Variants in GIGYF1 observed in about 807,000 individuals in gnomAD.
GIGYF1 encodes the protein GRB10 interacting GYF protein 1.
In GIGYF1, 84 loss-of-function variants were observed where a neutral mutation model predicts 147.1. That is an observed-to-expected ratio of 0.57 (90% confidence interval 0.48 to 0.68). The LOEUF is 0.68. Ranked by LOEUF, GIGYF1 falls within the 30% of genes least tolerant of loss-of-function variation. GIGYF1 has a pLI of 0.00. For synonymous variants in GIGYF1, 752 were observed against 589.5 expected (o/e 1.28, Z -3.99); for missense variants, 1,485 against 1,393.7 (o/e 1.07, Z -1.04).
chr7:100,682,471 C>A lies in GIGYF1; in HGVS notation c.2612G>T (p.Ser871Ile). Residue 871 changes from serine to isoleucine, a missense_variant, in exon 24 of 27, where the codon AGC becomes ATC. Transcript: ENST00000678049. Reference protein sequence around the residue: ...RSSPSLSDSYSHLSGRPIRKK... With the variant: ...RSSPSLSDSYIHLSGRPIRKK... ...GCGAATGGGCCGACCCGATAGGTGG[C>A]TGTATGAGTCACTGAAGGGGGAGGG... 6.2e-7 allele frequency: 1 copy of A among 1,612,220 alleles called. No individual in the cohort carries two copies. Among genetic ancestry groups the A allele is most frequent in the Non-Finnish European group, 8.5e-7 (1 of 1,179,924 alleles).
In GIGYF1 at chr7:100,683,049, C is replaced by T. The variant is rs1158944852; in HGVS notation, c.2375G>A (p.Arg792Gln). The T allele has an allele frequency of 1.1e-5, 18 of 1,567,516 alleles. No individual in the cohort carries two copies. Among genetic ancestry groups the T allele is most frequent in the Non-Finnish European group, 1.5e-5 (17 of 1,162,792 alleles). The change falls in exon 22 of 27, where the codon CGG becomes CAG. Residue 792 changes from arginine (R) to glutamine (Q), a missense_variant. Physicochemically the swap from Arg to Gln is conservative, Grantham distance 43. Transcript: ENST00000678049. The stretch of plus-strand genomic sequence containing the variant: ...GGGGGCCTGGGCCCGAGCTGGCTCC[C>T]GAGGTGGGGGCTGTTTGTGCAGCTG... ...ERQLHKQPPP[R>Q]EPARAQAPNH...
chr7:100,691,506 A>T (rs373188781), intron 1 of GIGYF1, among the ~76,000 whole-genome samples: 10 of 147,686 alleles, frequency 6.8e-5, no homozygotes, highest in Admixed American at 6.0e-4. Context: ...AAAAGAATAG[A>T]TTTTTTTTTT....
chr7:100,684,488 C>T lies in GIGYF1; in HGVS notation c.1591G>A (p.Val531Met). 3.7e-6 allele frequency: 6 copies of T among 1,613,472 alleles called. No homozygotes were observed. The highest frequency in any genetic ancestry group is 5.1e-6 in the Non-Finnish European group (6 of 1,179,994). The change falls in exon 16 of 27, where the codon GTG (valine) becomes ATG (methionine). Residue 531 changes from valine (V) to methionine (M), a missense_variant. By Grantham distance (21) the Val-to-Met change is conservative. Coordinates refer to ENST00000678049, the MANE Select transcript of GIGYF1 (RefSeq NM_001375765.1). Reference protein sequence around the residue: ...LGEVIKMWGRVPFAPGPSPPP... With the variant: ...LGEVIKMWGRMPFAPGPSPPP... ...GGTGAGGGCCCTGGGGCAAAGGGCA[C>T]GCGGCCCCACATCTTGATCACCTCG...
In GIGYF1 at chr7:100,688,294, C is replaced by G. The variant is rs1805570817; in HGVS notation, c.-56G>C. ...GGTGGGGAGGAGGGGACCTGGCGTTCACTGTCCAAACACCTGTGGGGGAAC... is the reference window on the plus strand; with the variant it reads ...GGTGGGGAGGAGGGGACCTGGCGTTGACTGTCCAAACACCTGTGGGGGAAC... On this transcript the variant is annotated 5_prime_UTR_variant, in exon 4 of 27. Transcript: ENST00000678049. 9.7e-6 allele frequency: 12 copies of G among 1,242,148 alleles called. 1 individual carries two copies. In the South Asian group the frequency reaches 1.1e-4, roughly 11 times the overall value. 76.9% of individuals were successfully genotyped at this position (1,242,148 alleles called of 1,614,324 possible). A position where few individuals can be genotyped will look rare whatever the true frequency, so the allele number is the denominator to read the frequency against.
chr7:100,686,269 C>T lies in GIGYF1; in HGVS notation c.859G>A (p.Asp287Asn). 1 of 1,614,106 alleles carries T rather than the reference C, an allele frequency of 6.2e-7. No homozygotes were observed. Residue 287 changes from aspartate (D) to asparagine (N), a missense_variant, in exon 11 of 27, where the codon GAC (aspartate) becomes AAC (asparagine). Physicochemically the swap from Asp to Asn is conservative, Grantham distance 23. Transcript: ENST00000678049. The stretch of plus-strand genomic sequence containing the variant: ...CACCACTCTGGGAGCCCATCCTTGT[C>T]CTCCTCAAAGCCTTCAGGCGCTCGG... ...RCRAPEGFEE[D>N]KDGLPEWCLD...
intron 22 of GIGYF1, 105 bp from the exon 23 acceptor site, chr7:100,682,882 C>T (rs1804922302): frequency 6.1e-6 from 8 of 1,309,418 alleles, no homozygotes; most frequent in Non-Finnish European, 8.2e-6. Flanking sequence ...GTGAGGGCCA[C>T]AAGAGCTGTT....
At chr7:100,682,923 G>A (rs1584491045) in intron 22 of GIGYF1, 89 bp downstream of exon 22, 1 of 1,289,208 alleles carries the variant, frequency 7.8e-7, no homozygotes, top group Non-Finnish European at 1.0e-6. Flanking sequence ...GACTGGGGCT[G>A]GGGCTGCACA....
rs1805233305 is a variant in GIGYF1, at chr7:100,685,488, G to A, written c.1055-7C>T. The A allele has an allele frequency of 1.9e-6, 3 of 1,598,008 alleles. No individual in the cohort carries two copies. The East Asian group carries it at 6.7e-5, about 36-fold the overall frequency. ...GGGGTCAGCTCTTTCCCACCTAGAA[G>A]AGGGAGATGGCCAGAGTTCAGAACC... On this transcript the variant is annotated splice_region_variant and splice_polypyrimidine_tract_variant and intron_variant, in intron 12 of 26. Transcript: ENST00000678049.
Position 100,687,132 on chromosome 7 carries a change from CCT to C in GIGYF1, c.483-88_483-87del, listed in dbSNP as rs904074527. 13 of 1,574,474 alleles carry C rather than the reference CCT, an allele frequency of 8.3e-6. No homozygotes were observed. The East Asian group carries it at 8.9e-5, about 11-fold the overall frequency. On this transcript the variant is annotated intron_variant, in intron 8 of 26. Coordinates refer to ENST00000678049, the MANE Select transcript of GIGYF1 (RefSeq NM_001375765.1). ...CCGCCCCATGCCTTGTCCACTGTGC[CCT>C]GAGGCAGTGGAGGGAGGAAGGGGAC...
chr7:100,684,953 G>T (rs566126722), intron 14 of GIGYF1, 59 bp from the exon 15 acceptor site: 9 of 1,587,070 alleles, frequency 5.7e-6, no homozygotes, highest in Admixed American at 5.4e-5. Flanking sequence ...ATCAGGATGG[G>T]GATGGGGATG....
chr7:100,686,293 G>T lies in GIGYF1; in HGVS notation c.835C>A (p.Arg279=). 6.2e-7 allele frequency: 1 copy of T among 1,613,954 alleles called. No homozygotes were observed. The highest frequency in any genetic ancestry group is 1.3e-5 in the African/African-American group (1 of 75,008). Residue 279 remains arginine, a synonymous_variant, in exon 11 of 27, where the codon CGA becomes AGA. Transcript: ENST00000678049. ...TCCTCCTCAAAGCCTTCAGGCGCTC[G>T]GCACCGCCGCAGGTGAGAGCTGCCT... ...GGGSSHLRRC[R]APEGFEEDKD...
chr7:100,684,853 C>CA lies in GIGYF1; in HGVS notation c.1331dup (p.Leu444PhefsTer73). ...TGGCAGCCGTGAACTGCTCCTCCTC[C>CA]AAGGAGCTGTCCTGCAGGGAGGCCA... On this transcript the variant is annotated frameshift_variant, in exon 15 of 27. Transcript: ENST00000678049. LOFTEE classifies it high-confidence loss of function. 6.2e-7 allele frequency: 1 copy of CA among 1,605,102 alleles called. No homozygotes were observed.
rs923825098 is a variant in GIGYF1, at chr7:100,682,659, G to A, written c.2531C>T (p.Thr844Ile). The A allele has an allele frequency of 8.1e-6, 13 of 1,604,840 alleles. No individual in the cohort carries two copies. Among genetic ancestry groups the A allele is most frequent in the South Asian group, 1.1e-5 (1 of 90,332 alleles). The change falls in exon 23 of 27, where the codon ACC (threonine) becomes ATC (isoleucine). Residue 844 changes from threonine to isoleucine, a missense_variant. By Grantham distance (89) the Thr-to-Ile change is moderately conservative. Transcript: ENST00000678049. ...GACCAGGCTCCCGCCGCTCTTGGGG[G>A]TGTCCTCCCAGAGCCCCAGGCCGCT... Reference protein sequence around the residue: ...GSSGLGLWEDTPKSGGSLVRG... With the variant: ...GSSGLGLWEDIPKSGGSLVRG...
At position 100,681,734 on chromosome 7, in the gene GIGYF1, G is replaced by A. The variant is rs1286073638; in HGVS notation, c.3093C>T (p.Ser1031=). The A allele has an allele frequency of 5.1e-6, 8 of 1,573,804 alleles. No individual in the cohort carries two copies. In the East Asian group the frequency reaches 9.0e-5, roughly 18 times the overall value. The change falls in exon 27 of 27, where the codon AGC becomes AGT. Residue 1031 remains serine (S), a synonymous_variant. Coordinates refer to ENST00000678049, the MANE Select transcript of GIGYF1 (RefSeq NM_001375765.1). The part of the protein sequence containing the change: ...SLHGSSGEIE[S]VDDY ...TCCGGGCTGGTCAGTAGTCATCCAC[G>A]CTCTCGATCTCACCAGAAGATCCGT...
At chr7:100,688,410 C>A in intron 3 of GIGYF1, 41 bp downstream of exon 3, 1 of 712,574 alleles carries the variant, frequency 1.4e-6, no homozygotes, top group Non-Finnish European at 2.5e-6. Flanking sequence ...CAATGGGCCC[C>A]GGACTAGCTG....
chr7:100,683,080 C>T lies in GIGYF1; in HGVS notation c.2344G>A (p.Glu782Lys), dbSNP rs774883276. 6.9e-6 allele frequency: 11 copies of T among 1,583,126 alleles called. No homozygotes were observed. The highest frequency in any genetic ancestry group is 2.3e-5 in the East Asian group (1 of 43,974). The change falls in exon 22 of 27, where the codon GAG (glutamate) becomes AAG (lysine). Residue 782 changes from glutamate (E) to lysine (K), a missense_variant. Coordinates refer to ENST00000678049, the MANE Select transcript of GIGYF1 (RefSeq NM_001375765.1). ...KTLLELQLEG[E>K]RQLHKQPPPR... ...GGGGGCTGTTTGTGCAGCTGCCGCT[C>T]GCCCTCCAGCTGCAACTCCAGGAGC... is the stretch of plus-strand genomic sequence containing the variant.
intron 12 of GIGYF1, 137 bp from the exon 13 acceptor site, chr7:100,685,618 A>C: frequency 1.1e-6 from 1 of 935,724 alleles, no homozygotes. Context: ...GGGTCAACTC[A>C]ACTAATGGCA....
In GIGYF1 at chr7:100,688,245, G is replaced by T; in HGVS notation, c.-7C>A. 1 of 1,611,360 alleles carries T rather than the reference G, an allele frequency of 6.2e-7. No individual in the cohort carries two copies. Among genetic ancestry groups the T allele is most frequent in the Non-Finnish European group, 8.5e-7 (1 of 1,178,918 alleles). Reference sequence around the variant, plus strand: ...TGAGTGTCTCTGCTGCCATCGTGGGGCTGGGCGTGTTTGAGAGGCCGGGGG... The same window carrying T: ...TGAGTGTCTCTGCTGCCATCGTGGGTCTGGGCGTGTTTGAGAGGCCGGGGG... On this transcript the variant is annotated 5_prime_UTR_variant, in exon 4 of 27. Transcript: ENST00000678049.
In GIGYF1 at chr7:100,688,118, C is replaced by T. The variant is rs762487542; in HGVS notation, c.36-8G>A. On this transcript the variant is annotated splice_region_variant and splice_polypyrimidine_tract_variant and intron_variant, in intron 4 of 26. Coordinates refer to ENST00000678049, the MANE Select transcript of GIGYF1 (RefSeq NM_001375765.1). ...CCGGACAGGGCCCTGAGCCTGGACA[C>T]AACACAGAGAGAAGAAGACAGAGGT... 5 of 1,605,284 alleles carry T rather than the reference C, an allele frequency of 3.1e-6. No homozygotes were observed. The South Asian group carries it at 5.5e-5, about 18-fold the overall frequency.
Sources: allele counts gnomAD v4.1 joint callset (sites outside exome capture counted in the v4.1 genomes callset), GRCh38; gene constraint gnomAD v4.1.1; transcripts MANE v1.5; gene names NCBI Gene and HGNC (gene_info 2026-07-23, HGNC 2026-07-21).